The following RRP9 variants were observed in gnomAD, a reference collection of about 807,000 sequenced individuals.
RRP9 encodes ribosomal RNA processing 9, U3 small nucleolar RNA binding protein.
RRP9 carries 35 observed loss-of-function variants against 65.5 expected under a neutral mutation model. The ratio of observed to expected loss-of-function variants is 0.53; its 90% CI spans 0.41 to 0.71. The LOEUF is 0.71. RRP9 is among the 30% of genes least tolerant of loss of function. The pLI is 0.00. For synonymous variants in RRP9, 254 were observed against 245.0 expected (o/e 1.04, Z -0.34); for missense variants, 533 against 633.6 (o/e 0.84, Z 1.70).
rs745404306 is a variant in RRP9, at chr3:51,933,467, C to A, written c.*39G>T. 4.0e-6 allele frequency: 6 copies of A among 1,505,766 alleles called. No homozygotes were observed. The highest frequency in any genetic ancestry group is 1.7e-4 in the Middle Eastern group (1 of 5,738). The allele number at this position is 1,505,766 out of a possible 1,614,324, so 93.3% of individuals were successfully genotyped here. A position where few individuals can be genotyped will look rare whatever the true frequency, so the allele number is the denominator to read the frequency against. On this transcript the variant is annotated 3_prime_UTR_variant, in exon 15 of 15. Coordinates refer to ENST00000232888, the MANE Select transcript of RRP9 (RefSeq NM_004704.5). Reference sequence around the variant, plus strand: ...GGCTTTTAATACAAAGAGGGTGGGGCATAGCCTGGGAAGGACTTAAATAAG... The same window carrying A: ...GGCTTTTAATACAAAGAGGGTGGGGAATAGCCTGGGAAGGACTTAAATAAG...
chr3:51,940,410 C>G (rs1699506924), intron 2 of RRP9, among the ~76,000 whole-genome samples: 1 of 152,178 alleles, frequency 6.6e-6, no homozygotes, highest in South Asian at 2.1e-4. Flanking sequence ...TGACACCATG[C>G]CTGACCCTTT....
intron 3 of RRP9, 92 bp downstream of exon 3, chr3:51,938,003 A>T: frequency 8.8e-7 from 1 of 1,132,058 alleles, no homozygotes; most frequent in Non-Finnish European, 1.3e-6. Context: ...AATCCATGTC[A>T]GTCACCCATC....
At position 51,939,829 on chromosome 3, in the gene RRP9, T is replaced by C. The variant is rs139457127; in HGVS notation, c.170+1580A>G. Among the ~76,000 whole-genome samples the C allele has an allele frequency of 9.2e-4, 140 of 152,364 alleles. 1 individual carries two copies. Among genetic ancestry groups the C allele is most frequent in the African/African-American group, 3.2e-3 (133 of 41,592 alleles). On this transcript the variant is annotated intron_variant, in intron 2 of 14. Transcript: ENST00000232888. Reference sequence around the variant, plus strand: ...GGTTTACCATTTTACCATTACTCTCTGTAGTGCAAATATATCTCATTCACT... The same window carrying C: ...GGTTTACCATTTTACCATTACTCTCCGTAGTGCAAATATATCTCATTCACT...
chr3:51,938,777 G>A (rs1170916124), intron 2 of RRP9, among the ~76,000 whole-genome samples: 1 of 152,156 alleles, frequency 6.6e-6, no homozygotes, highest in East Asian at 1.9e-4. Context: ...CCAGAGATGC[G>A]ACACAAGAGA....
chr3:51,933,832 C>G (rs757095230), intron 13 of RRP9, 51 bp from the exon 14 acceptor site: 6 of 1,543,762 alleles, frequency 3.9e-6, no homozygotes, highest in Admixed American at 1.7e-5. Context: ...CCGCCACCAC[C>G]GTCCTCAGCA....
In RRP9 at chr3:51,936,512, G is replaced by A. The variant is rs1231018445; in HGVS notation, c.561C>T (p.Ala187=). ...SGRKLHVIPR[A]KKGAEGKPPG... ...GGGGCTTTCCCTCGGCACCCTTCTT[G>A]GCTCGAGGAATCACATGCAGCTTCC... The change falls in exon 7 of 15, where the codon GCC becomes GCT. Residue 187 remains alanine (A), a synonymous_variant. Coordinates refer to ENST00000232888, the MANE Select transcript of RRP9 (RefSeq NM_004704.5). The A allele has an allele frequency of 6.2e-7, 1 of 1,614,184 alleles. No homozygotes were observed. The highest frequency in any genetic ancestry group is 1.7e-5 in the Admixed American group (1 of 60,030).
chr3:51,940,434 C>A (rs1265929985), intron 2 of RRP9, among the ~76,000 whole-genome samples: 1 of 152,160 alleles, frequency 6.6e-6, no homozygotes, highest in Non-Finnish European at 1.5e-5. Flanking sequence ...AACCTGCAAG[C>A]AACCACACCC....
At position 51,936,490 on chromosome 3, in the gene RRP9, G is replaced by A. The variant is rs1485821404; in HGVS notation, c.583C>T (p.Pro195Ser). 4 of 1,614,208 alleles carry A rather than the reference G, an allele frequency of 2.5e-6. No homozygotes were observed. Among genetic ancestry groups the A allele is most frequent in the South Asian group, 1.1e-5 (1 of 91,082 alleles). ...PRAKKGAEGK[P>S]PGHSSHVLCM... is the part of the protein sequence containing the mutation. ...AGGACGTGGCTGCTGTGGCCAGGGG[G>A]CTTTCCCTCGGCACCCTTCTTGGCT... is the stretch of plus-strand genomic sequence containing the variant. Residue 195 changes from proline (P) to serine (S), a missense_variant, in exon 7 of 15, where the codon CCC (proline) becomes TCC (serine). By Grantham distance (74) the Pro-to-Ser change is moderately conservative. Transcript: ENST00000232888.
chr3:51,939,897 A>AT (rs1386333102), intron 2 of RRP9, among the ~76,000 whole-genome samples: 2 of 152,212 alleles, frequency 1.3e-5, no homozygotes, highest in African/African-American at 4.8e-5. Flanking sequence ...TTCTAAAAAT[A>AT]TTTAAAAGCA....
chr3:51,937,975 G>T lies in RRP9; in HGVS notation c.280+120C>A. The T allele has an allele frequency of 9.8e-7, 1 of 1,015,568 alleles. No homozygotes were observed. Among genetic ancestry groups the T allele is most frequent in the Non-Finnish European group, 1.4e-6 (1 of 690,752 alleles). 62.9% of individuals were successfully genotyped at this position (1,015,568 alleles called of 1,614,324 possible). The stretch of plus-strand genomic sequence containing the variant: ...CCCCACAGGGCAGCCAGCACTGACA[G>T]CCTGGGCACCCACTGGGAATCCATG... On this transcript the variant is annotated intron_variant, in intron 3 of 14. Coordinates refer to ENST00000232888, the MANE Select transcript of RRP9 (RefSeq NM_004704.5). This position sits in a 1 kb window ranked among gnomAD's most constrained non-coding sequence, Gnocchi z 5.0.
chr3:51,933,978 C>T (rs555484828), intron 13 of RRP9, among the ~76,000 whole-genome samples, 197 bp from the exon 14 acceptor site: 3 of 152,290 alleles, frequency 2.0e-5, no homozygotes, highest in African/African-American at 7.2e-5. Context: ...AAGCAGAGCA[C>T]GGGGCTAGCA....
chr3:51,940,286 A>G (rs1317572268), intron 2 of RRP9, among the ~76,000 whole-genome samples: 1 of 152,054 alleles, frequency 6.6e-6, no homozygotes, highest in East Asian at 1.9e-4. Context: ...CATTCTTTCC[A>G]TGAGCAAATT....
In RRP9 at chr3:51,937,358, A is replaced by G. The variant is rs1455916365; in HGVS notation, c.391-40T>C. 3.7e-6 allele frequency: 6 copies of G among 1,613,318 alleles called. No individual in the cohort carries two copies. Among genetic ancestry groups the G allele is most frequent in the Non-Finnish European group, 5.1e-6 (6 of 1,179,808 alleles). On this transcript the variant is annotated intron_variant, in intron 5 of 14. Coordinates refer to ENST00000232888, the MANE Select transcript of RRP9 (RefSeq NM_004704.5). The surrounding 1 kb of genome is among the most constrained non-coding windows in gnomAD (Gnocchi z 5.0). ...GCCAGGTCACTGTGGCTAGTGGCAT[A>G]AAGGCACTACCTTCACCAACCCCAC...
In RRP9 at chr3:51,934,650, G is replaced by A. The variant is rs1217090599; in HGVS notation, c.1161C>T (p.Asn387=). ...ACCCACCTGTGGCCACAAGGTCTGTGTTGAGGAGGGCTGCCACCGACGATA... is the reference window on the plus strand; with the variant it reads ...ACCCACCTGTGGCCACAAGGTCTGTATTGAGGAGGGCTGCCACCGACGATA... ...FWISSVAALL[N]TDLVATGSHS... Residue 387 remains asparagine, a synonymous_variant, in exon 12 of 15, where the codon AAC becomes AAT. Transcript: ENST00000232888. This position sits in a 1 kb window ranked among gnomAD's most constrained non-coding sequence, Gnocchi z 4.1. 2.5e-6 allele frequency: 4 copies of A among 1,613,972 alleles called. No homozygotes were observed. In the African/African-American group the frequency reaches 5.3e-5, roughly 22 times the overall value.
Position 51,934,726 on chromosome 3 carries a change from C to A in RRP9, c.1085G>T (p.Arg362Leu). The stretch of plus-strand genomic sequence containing the variant: ...CTCTCCCCGCAGCCCGTGAGCTTCA[C>A]GCTGCAGGGCAAGTGGTCGCTTCTT... ...LSKKRPLALQREAHGLRGEPG... is the reference protein window; with the variant it reads ...LSKKRPLALQLEAHGLRGEPG... The change falls in exon 12 of 15, where the codon CGT becomes CTT. Residue 362 changes from arginine to leucine, a missense_variant. By Grantham distance (102) the Arg-to-Leu change is moderately radical. Around this residue, in one of 3 missense-constraint regions of RRP9, gnomAD observed 449 missense variants for 550.6 expected, o/e 0.82. Coordinates refer to ENST00000232888, the MANE Select transcript of RRP9 (RefSeq NM_004704.5). This position sits in a 1 kb window ranked among gnomAD's most constrained non-coding sequence, Gnocchi z 4.1. 6.2e-7 allele frequency: 1 copy of A among 1,614,132 alleles called. No homozygotes were observed. The highest frequency in any genetic ancestry group is 8.5e-7 in the Non-Finnish European group (1 of 1,180,018).
rs1699470747 is a variant in RRP9 at position 51,937,360 on chromosome 3, A to G, written c.391-42T>C. 1 of 1,613,142 alleles carries G rather than the reference A, an allele frequency of 6.2e-7. No individual in the cohort carries two copies. The highest frequency in any genetic ancestry group is 1.3e-5 in the African/African-American group (1 of 74,910). On this transcript the variant is annotated intron_variant, in intron 5 of 14. Coordinates refer to ENST00000232888, the MANE Select transcript of RRP9 (RefSeq NM_004704.5). This position sits in a 1 kb window ranked among gnomAD's most constrained non-coding sequence, Gnocchi z 5.0. ...CAGGTCACTGTGGCTAGTGGCATAAAGGCACTACCTTCACCAACCCCACTG... is the reference window on the plus strand; with the variant it reads ...CAGGTCACTGTGGCTAGTGGCATAAGGGCACTACCTTCACCAACCCCACTG...
rs1264864349 is a variant in RRP9, at chr3:51,935,434, G to A, written c.879C>T (p.Ser293=). ...CCCCAGCCGTCACACAGCACTCCCGGCTCAAGGCATCCAGTGCAGCCACAG... is the reference window on the plus strand; with the variant it reads ...CCCCAGCCGTCACACAGCACTCCCGACTCAAGGCATCCAGTGCAGCCACAG... ...QDAVAALDAL[S]RECCVTAGGR... Residue 293 remains serine (S), a synonymous_variant, in exon 10 of 15, where the codon AGC becomes AGT. Transcript: ENST00000232888. 3.7e-6 allele frequency: 6 copies of A among 1,614,164 alleles called. No individual in the cohort carries two copies. The South Asian group carries it at 4.4e-5, about 12-fold the overall frequency.
rs1422686396 is a variant in RRP9 at position 51,933,490 on chromosome 3, A to G, written c.*16T>C. 3 of 1,603,876 alleles carry G rather than the reference A, an allele frequency of 1.9e-6. No homozygotes were observed. Among genetic ancestry groups the G allele is most frequent in the Non-Finnish European group, 2.6e-6 (3 of 1,171,034 alleles). On this transcript the variant is annotated 3_prime_UTR_variant, in exon 15 of 15. Coordinates refer to ENST00000232888, the MANE Select transcript of RRP9 (RefSeq NM_004704.5). ...GGCATAGCCTGGGAAGGACTTAAAT[A>G]AGGAGGATAAGAGTGTCAGGAACCA...
chr3:51,936,022 C>T (rs554231407), intron 8 of RRP9, among the ~76,000 whole-genome samples: 4 of 152,280 alleles, frequency 2.6e-5, no homozygotes, highest in African/African-American at 4.8e-5. Flanking sequence ...CGCTACATCC[C>T]GCCCAGAGGC....
Sources: allele counts gnomAD v4.1 joint callset (sites outside exome capture counted in the v4.1 genomes callset), GRCh38; gene constraint gnomAD v4.1.1; regional missense constraint gnomAD v4.1.1; non-coding constraint Gnocchi (gnomAD v3.1); transcripts MANE v1.5; gene names NCBI Gene and HGNC (gene_info 2026-07-23, HGNC 2026-07-21).